CADM2: variants seen among roughly 807,000 people sequenced by gnomAD.
CADM2 encodes cell adhesion molecule 2, also known as immunoglobulin superfamily member 4D.
CADM2 carries 12 observed loss-of-function variants against 49.8 expected under a neutral mutation model. That is an observed-to-expected ratio of 0.24 (90% CI 0.15 to 0.39). The LOEUF is 0.39. CADM2 is among the 10% of genes least tolerant of loss of function. CADM2 has a pLI of 1.00. For synonymous variants in CADM2, 214 were observed against 175.4 expected (o/e 1.22, Z -1.74); for missense variants, 378 against 492.3 (o/e 0.77, Z 2.20).
chr3:85,148,322 T>C (rs1197072217), intron 1 of CADM2, among the ~76,000 whole-genome samples: 3 of 152,094 alleles, frequency 2.0e-5, no homozygotes, highest in Non-Finnish European at 4.4e-5. Context: ...AGCAACTACT[T>C]GAGATGAGGG....
At chr3:85,907,211 C>A (rs1011086087) in intron 5 of CADM2, among the ~76,000 whole-genome samples, 5 of 151,848 alleles carry the variant, frequency 3.3e-5, no homozygotes, top group African/African-American at 1.2e-4. Flanking sequence ...CATTAAAGGA[C>A]CACTGACAAC....
intron 1 of CADM2, among the ~76,000 whole-genome samples, chr3:85,704,842 C>CTTTA (rs954105824): frequency 2.7e-5 from 4 of 150,854 alleles, no homozygotes; most frequent in Non-Finnish European, 4.4e-5. Context: ...ACCCCCTTCT[C>CTTTA]TTTATTTATT....
chr3:85,692,133 T>TA (rs540969361), intron 1 of CADM2, among the ~76,000 whole-genome samples: 6 of 151,638 alleles, frequency 4.0e-5, no homozygotes, highest in African/African-American at 1.5e-4. Flanking sequence ...AATTAAAAAA[T>TA]AAAATTAAAT....
At chr3:85,428,906 C>T (rs1037054039) in intron 1 of CADM2, among the ~76,000 whole-genome samples, 1 of 151,414 alleles carries the variant, frequency 6.6e-6, no homozygotes, top group African/African-American at 2.4e-5. Flanking sequence ...AGGAATTTGC[C>T]CTAATTCTTG....
At chr3:85,313,925 C>G (rs1049250910) in intron 1 of CADM2, among the ~76,000 whole-genome samples, 11 of 152,170 alleles carry the variant, frequency 7.2e-5, no homozygotes, top group African/African-American at 2.7e-4. Context: ...GAGTCTCTCT[C>G]TGTCACCCAG....
chr3:85,826,448 A>C (rs923696817), intron 3 of CADM2, among the ~76,000 whole-genome samples: 1 of 152,058 alleles, frequency 6.6e-6, no homozygotes, highest in Admixed American at 6.6e-5. Flanking sequence ...GGGTTTTTAT[A>C]GTTGTTTTTC....
At chr3:85,285,747 C>T (rs552340536) in intron 1 of CADM2, among the ~76,000 whole-genome samples, 100 of 151,680 alleles carry the variant, frequency 6.6e-4, no homozygotes, top group Non-Finnish European at 1.2e-3. Context: ...CAAGGACATG[C>T]AAGATGAAGA....
intron 1 of CADM2, among the ~76,000 whole-genome samples, chr3:85,348,443 T>G (rs1231942301): frequency 6.6e-6 from 1 of 152,228 alleles, no homozygotes; most frequent in Non-Finnish European, 1.5e-5. Flanking sequence ...TCAGTCAAGT[T>G]ACACATAAAA....
Position 85,780,620 on chromosome 3 carries a change from T to C in CADM2, c.89-21427T>C, listed in dbSNP as rs144216700. Reference sequence around the variant, plus strand: ...TGCTTTCTCTTTTCATTTTTTCAGTTAGCAAAGTCCCTCAGGCATATGTTG... The same window carrying C: ...TGCTTTCTCTTTTCATTTTTTCAGTCAGCAAAGTCCCTCAGGCATATGTTG... On this transcript the variant is annotated intron_variant, in intron 2 of 9. Transcript: ENST00000383699. Among the ~76,000 whole-genome samples the C allele has an allele frequency of 1.4e-4, 22 of 152,306 alleles. No individual in the cohort carries two copies. The East Asian group carries it at 4.1e-3, about 28-fold the overall frequency.
At chr3:85,290,090 TG>T (rs2043743590) in intron 1 of CADM2, among the ~76,000 whole-genome samples, 1 of 152,036 alleles carries the variant, frequency 6.6e-6, no homozygotes, top group African/African-American at 2.4e-5. Context: ...GTGTGCACCG[TG>T]GGCGATCCGA....
chr3:85,751,539 T>A (rs2068860591), intron 2 of CADM2, among the ~76,000 whole-genome samples: 2 of 152,190 alleles, frequency 1.3e-5, no homozygotes, highest in African/African-American at 4.8e-5. Context: ...AGACTTGTCA[T>A]CAATACACCC....
intron 3 of CADM2, among the ~76,000 whole-genome samples, chr3:85,845,567 G>C (rs1183231053): frequency 6.6e-6 from 1 of 152,058 alleles, no homozygotes; most frequent in Non-Finnish European, 1.5e-5. Flanking sequence ...CTCCTCCGTA[G>C]GGCAACCAAA....
chr3:86,005,857 C>G (rs1730725998), intron 8 of CADM2, among the ~76,000 whole-genome samples: 2 of 152,138 alleles, frequency 1.3e-5, no homozygotes, highest in Admixed American at 6.5e-5. Context: ...ACCTCCCCCG[C>G]AACCCCCCGA....
At chr3:85,314,038 T>C (rs921123098) in intron 1 of CADM2, among the ~76,000 whole-genome samples, 5 of 152,100 alleles carry the variant, frequency 3.3e-5, no homozygotes, top group Non-Finnish European at 5.9e-5. Flanking sequence ...CTAAGGCGCG[T>C]GCCACCACGC....
intron 1 of CADM2, among the ~76,000 whole-genome samples, chr3:85,021,752 G>GT (rs2034522037): frequency 6.6e-6 from 1 of 152,162 alleles, no homozygotes; most frequent in Non-Finnish European, 1.5e-5. Context: ...TTCAGCCTGG[G>GT]TGACAAGGGC....
At chr3:85,295,009 C>G (rs1337253553) in intron 1 of CADM2, among the ~76,000 whole-genome samples, 4 of 151,962 alleles carry the variant, frequency 2.6e-5, no homozygotes, top group Non-Finnish European at 5.9e-5. Context: ...AGGCAACCTA[C>G]AAAATGGGAG....
intron 6 of CADM2, among the ~76,000 whole-genome samples, chr3:85,916,222 C>A (rs1718294616): frequency 1.3e-5 from 2 of 152,066 alleles, no homozygotes; most frequent in Admixed American, 6.6e-5. Context: ...GCACAACGTG[C>A]AGGTTAGTTA....
chr3:85,021,149 A>G (rs1035445058), intron 1 of CADM2, among the ~76,000 whole-genome samples: 1 of 151,468 alleles, frequency 6.6e-6, no homozygotes, highest in Non-Finnish European at 1.5e-5. Flanking sequence ...AAAAAAAAGA[A>G]AAAAAGAGAA....
At chr3:85,167,328 C>A (rs537583248) in intron 1 of CADM2, among the ~76,000 whole-genome samples, 5 of 151,844 alleles carry the variant, frequency 3.3e-5, no homozygotes, top group Middle Eastern at 6.8e-3. Context: ...TATTATATAT[C>A]AACAAAGATG....
Sources: allele counts gnomAD v4.1 joint callset (sites outside exome capture counted in the v4.1 genomes callset), GRCh38; gene constraint gnomAD v4.1.1; transcripts MANE v1.5; gene names NCBI Gene and HGNC (gene_info 2026-07-23, HGNC 2026-07-21).